The following CD276 variants were observed in gnomAD, a reference collection of about 807,000 sequenced individuals.
CD276 encodes CD276 antigen.
A neutral mutation model predicts 50.0 loss-of-function variants in CD276; 34 were observed. The ratio of observed to expected loss-of-function variants is 0.68; its 90% CI spans 0.52 to 0.91. The LOEUF is 0.91. CD276 is among the 40% of genes least tolerant of loss of function. The pLI is 0.00. For missense variants in CD276, 634 were observed against 717.5 expected, an observed-to-expected ratio of 0.88 and a Z score of 1.33; for synonymous variants, 275 against 313.0, an observed-to-expected ratio of 0.88 and a Z score of 1.28.
At chr15:73,694,570 T>C (rs1434070128) in intron 1 of CD276, among the ~76,000 whole-genome samples, 1 of 152,216 alleles carries the variant, frequency 6.6e-6, no homozygotes, top group Non-Finnish European at 1.5e-5. Flanking sequence ...CCAGGGCTGA[T>C]ACTACAGTCC....
chr15:73,689,188 CTG>C (rs58196751), intron 1 of CD276, among the ~76,000 whole-genome samples: 38,799 of 142,348 alleles, frequency 0.27, 5,208 homozygotes, highest in East Asian at 0.37. Context: ...TCTGTGCCTC[CTG>C]TGTGTGTGTG....
Position 73,713,989 on chromosome 15 carries a change from C to A in CD276, c.*1033C>A. Reference sequence around the variant, plus strand: ...ACTGCACCCTGCGGTTTGCAGGGGGCTCCTGCCTGGCTCCCTGCTCCACAC... The same window carrying A: ...ACTGCACCCTGCGGTTTGCAGGGGGATCCTGCCTGGCTCCCTGCTCCACAC... On this transcript the variant is annotated 3_prime_UTR_variant, in exon 10 of 10. Transcript: ENST00000318443. 3.2e-6 allele frequency: 1 copy of A among 310,538 alleles called. No individual in the cohort carries two copies. The highest frequency in any genetic ancestry group is 2.6e-5 in the South Asian group (1 of 38,668). 19.2% of individuals were successfully genotyped at this position (310,538 alleles called of 1,614,324 possible). A position where few individuals can be genotyped will look rare whatever the true frequency, so the allele number is the denominator to read the frequency against.
In CD276 at chr15:73,702,298, G is replaced by A. The variant is rs1180632581; in HGVS notation, c.123G>A (p.Leu41=). 5.6e-6 allele frequency: 9 copies of A among 1,612,946 alleles called. No individual in the cohort carries two copies. The highest frequency in any genetic ancestry group is 2.2e-5 in the East Asian group (1 of 44,866). The change falls in exon 3 of 10, where the codon CTG becomes CTA. Residue 41 remains leucine, a synonymous_variant. Coordinates refer to ENST00000318443, the MANE Select transcript of CD276 (RefSeq NM_001024736.2). ...TCCCTGAAGACCCAGTGGTGGCACT[G>A]GTGGGCACCGATGCCACCCTGTGCT... ...VQVPEDPVVA[L]VGTDATLCCS...
intron 3 of CD276, 21 bp downstream of exon 3, chr15:73,702,614 G>A (rs111944133): frequency 3.2e-4 from 511 of 1,594,202 alleles, no homozygotes; most frequent in Non-Finnish European, 4.1e-4. Context: ...GGAGGGGGAC[G>A]CCTTCCCCTT....
intron 1 of CD276, among the ~76,000 whole-genome samples, chr15:73,697,391 T>C (rs1252644866): frequency 6.6e-6 from 1 of 150,602 alleles, no homozygotes; most frequent in African/African-American, 2.4e-5. Context: ...GGGGCGGGTG[T>C]GCCTGGCTGG....
chr15:73,711,864 GT>G (rs1900916253), intron 9 of CD276: 1 of 152,354 alleles, frequency 6.6e-6, no homozygotes, highest in African/African-American at 2.4e-5. Context: ...GATAAAAAGT[GT>G]CAGCTTAGGC....
intron 7 of CD276, chr15:73,708,759 C>T: frequency 2.2e-6 from 1 of 450,752 alleles, no homozygotes; most frequent in Non-Finnish European, 4.1e-6. Flanking sequence ...GAGTGTGTGC[C>T]AACAAGTGTG....
At chr15:73,700,892 C>CTCCTCCCCCCTCCTGCCCCTCCTCCCTT (rs1900354257) in intron 2 of CD276, among the ~76,000 whole-genome samples, 1 of 27,180 alleles carries the variant, frequency 3.7e-5, no homozygotes, top group Non-Finnish European at 5.4e-5. Context: ...TCCCCTCCTC[C>CTCCTCCCCCCTCCTGCCCCTCCTCCCTT]CCTCCTCCTC....
intron 8 of CD276, among the ~76,000 whole-genome samples, chr15:73,710,491 G>A (rs1900851066): frequency 6.6e-6 from 1 of 152,196 alleles, no homozygotes; most frequent in South Asian, 2.1e-4. Context: ...AGGGGATCCT[G>A]GGCTGGGAGA....
rs1180398891 is a variant in CD276, at chr15:73,704,193, A to G, written c.1090A>G (p.Ser364Gly). 2 of 1,613,044 alleles carry G rather than the reference A, an allele frequency of 1.2e-6. No individual in the cohort carries two copies. Among genetic ancestry groups the G allele is most frequent in the Admixed American group, 3.3e-5 (2 of 59,854 alleles). ...LQVAAPYSKP[S>G]MTLEPNKDLR... The stretch of plus-strand genomic sequence containing the variant: ...ACCTCCAGCTCCCTACTCGAAGCCC[A>G]GCATGACCCTGGAGCCCAACAAGGA... Residue 364 changes from serine (S) to glycine (G), a missense_variant, in exon 6 of 10, where the codon AGC (serine) becomes GGC (glycine). By Grantham distance (56) the Ser-to-Gly change is moderately conservative. Coordinates refer to ENST00000318443, the MANE Select transcript of CD276 (RefSeq NM_001024736.2). The surrounding 1 kb of genome is among the most constrained non-coding windows in gnomAD (Gnocchi z 4.1).
chr15:73,706,020 C>T (rs1459526552), intron 6 of CD276, among the ~76,000 whole-genome samples: 3 of 152,138 alleles, frequency 2.0e-5, no homozygotes, highest in Admixed American at 6.5e-5. Flanking sequence ...GAGGCCAAGG[C>T]GGGTGGATCA....
At chr15:73,705,875 T>C (rs1382171783) in intron 6 of CD276, among the ~76,000 whole-genome samples, 1 of 152,200 alleles carries the variant, frequency 6.6e-6, no homozygotes, top group East Asian at 1.9e-4. Flanking sequence ...AGTATAAATG[T>C]GATTGCAAAG....
At position 73,704,183 on chromosome 15, in the gene CD276, C is replaced by T. The variant is rs759855936; in HGVS notation, c.1080C>T (p.Tyr360=). 1.2e-6 allele frequency: 2 copies of T among 1,611,904 alleles called. No individual in the cohort carries two copies. The highest frequency in any genetic ancestry group is 1.1e-5 in the South Asian group (1 of 90,666). The change falls in exon 6 of 10, where the codon TAC becomes TAT. Residue 360 remains tyrosine (Y), a synonymous_variant. Coordinates refer to ENST00000318443, the MANE Select transcript of CD276 (RefSeq NM_001024736.2). The surrounding 1 kb of genome is among the most constrained non-coding windows in gnomAD (Gnocchi z 4.1). ...AAVSLQVAAP[Y]SKPSMTLEPN... ...GCCCTCTGTCACCTCCAGCTCCCTA[C>T]TCGAAGCCCAGCATGACCCTGGAGC...
chr15:73,694,841 G>C (rs1056149034), intron 1 of CD276, among the ~76,000 whole-genome samples: 8 of 152,226 alleles, frequency 5.3e-5, no homozygotes, highest in Non-Finnish European at 1.5e-5. Flanking sequence ...AAAATGCTAT[G>C]GAAGAAGGGG....
intron 2 of CD276, among the ~76,000 whole-genome samples, chr15:73,701,530 G>A (rs964128579): frequency 2.0e-5 from 3 of 152,162 alleles, no homozygotes; most frequent in African/African-American, 7.2e-5. Flanking sequence ...GACGCTCCCC[G>A]ATATTTTCAC....
At position 73,687,906 on chromosome 15, in the gene CD276, G is replaced by C. The variant is rs776233087; in HGVS notation, c.-55+3446G>C. 6.6e-6 allele frequency among the ~76,000 whole-genome samples: 1 copy of C among 152,140 alleles called. No homozygotes were observed. The highest frequency in any genetic ancestry group is 2.4e-5 in the African/African-American group (1 of 41,442). On this transcript the variant is annotated intron_variant, in intron 1 of 9. Transcript: ENST00000318443. This position sits in a 1 kb window ranked among gnomAD's most constrained non-coding sequence, Gnocchi z 4.0. ...CCAAGTTACCCTAGAGGCAATGCAG[G>C]CTCCTAGGAACTGGGGCTGCCTTGT...
chr15:73,702,925 C>T lies in CD276; in HGVS notation c.572C>T (p.Thr191Ile). 1.2e-6 allele frequency: 2 copies of T among 1,614,122 alleles called. No individual in the cohort carries two copies. Among genetic ancestry groups the T allele is most frequent in the Non-Finnish European group, 1.7e-6 (2 of 1,180,044 alleles). ...GQGVPLTGNVTTSQMANEQGL... is the reference protein window; with the variant it reads ...GQGVPLTGNVITSQMANEQGL... Reference sequence around the variant, plus strand: ...GGTGTGCCCCTGACTGGCAACGTGACCACGTCGCAGATGGCCAACGAGCAG... The same window carrying T: ...GGTGTGCCCCTGACTGGCAACGTGATCACGTCGCAGATGGCCAACGAGCAG... Residue 191 changes from threonine (T) to isoleucine (I), a missense_variant, in exon 4 of 10, where the codon ACC becomes ATC. By Grantham distance (89) the Thr-to-Ile change is moderately conservative. Transcript: ENST00000318443.
chr15:73,695,371 T>A (rs1444688572), intron 1 of CD276, among the ~76,000 whole-genome samples: 1 of 152,138 alleles, frequency 6.6e-6, no homozygotes, highest in African/African-American at 2.4e-5. Context: ...GGGTTACCTT[T>A]CCCAGCGCGG....
chr15:73,689,878 G>A (rs1192017205), intron 1 of CD276, among the ~76,000 whole-genome samples: 1 of 152,216 alleles, frequency 6.6e-6, no homozygotes, highest in Non-Finnish European at 1.5e-5. Context: ...TGAAGACCCA[G>A]AAAGGCAAGG....
Sources: gnomAD v4.1 joint callset for allele counts (sites outside exome capture counted in the v4.1 genomes callset) on GRCh38, gnomAD v4.1.1 for gene constraint, Gnocchi (gnomAD v3.1) non-coding constraint, MANE v1.5 for transcripts, NCBI Gene and HGNC (gene_info 2026-07-23, HGNC 2026-07-21) for gene names.